CADPS2: variants seen among roughly 807,000 people sequenced by gnomAD.
CADPS2 encodes the protein calcium dependent secretion activator 2, also known as calcium-dependent secretion activator 2.
Under a neutral mutation model 172.5 loss-of-function variants are expected in CADPS2, and 93 were observed. The observed-to-expected ratio is 0.54, with a 90% CI of 0.46 to 0.64. The LOEUF is 0.64. CADPS2 is among the 30% of genes least tolerant of loss of function. CADPS2 has a pLI of 0.00. For missense variants in CADPS2, 1,420 were observed against 1,565.9 expected, an observed-to-expected ratio of 0.91 and a Z score of 1.57; for synonymous variants, 546 against 555.2, an observed-to-expected ratio of 0.98 and a Z score of 0.23.
intron 2 of CADPS2, chr7:122,697,622 C>T: frequency 1.8e-6 from 1 of 565,314 alleles, no homozygotes; most frequent in Non-Finnish European, 3.0e-6. Flanking sequence ...AAAAAAAATC[C>T]CGCTAGGACT....
chr7:122,884,335 C>G (rs906877007), intron 1 of CADPS2, among the ~76,000 whole-genome samples: 2 of 152,170 alleles, frequency 1.3e-5, no homozygotes, highest in African/African-American at 2.4e-5. Context: ...TGCCTCAGAA[C>G]AGACTCAATT....
At chr7:122,727,490 A>C (rs2091227005) in intron 2 of CADPS2, among the ~76,000 whole-genome samples, 1 of 151,640 alleles carries the variant, frequency 6.6e-6, no homozygotes, top group African/African-American at 2.4e-5. Flanking sequence ...CAAGCAGAAG[A>C]AAAGAGAATG....
intron 1 of CADPS2, among the ~76,000 whole-genome samples, chr7:122,804,260 C>T (rs1798313627): frequency 6.6e-6 from 1 of 152,194 alleles, no homozygotes; most frequent in Non-Finnish European, 1.5e-5. Flanking sequence ...TTTAAACCAA[C>T]TTCTTATAAG....
intron 6 of CADPS2, among the ~76,000 whole-genome samples, chr7:122,586,021 A>G (rs1447894554): frequency 6.6e-6 from 1 of 152,020 alleles, no homozygotes; most frequent in Non-Finnish European, 1.5e-5. Flanking sequence ...ACACTTAAGC[A>G]AGATAAATAT....
intron 2 of CADPS2, among the ~76,000 whole-genome samples, chr7:122,694,667 C>T (rs1193321661): frequency 1.3e-5 from 2 of 152,144 alleles, no homozygotes; most frequent in African/African-American, 4.8e-5. Context: ...CTTCCCCCCA[C>T]TTATAAAACC....
intron 1 of CADPS2, among the ~76,000 whole-genome samples, chr7:122,829,627 C>T (rs543594800): frequency 6.6e-6 from 1 of 152,158 alleles, no homozygotes; most frequent in African/African-American, 2.4e-5. Context: ...AACAGTTACA[C>T]AGTCTACTTC....
intron 25 of CADPS2, among the ~76,000 whole-genome samples, chr7:122,376,660 C>T (rs1563184751): frequency 6.6e-6 from 1 of 151,924 alleles, no homozygotes; most frequent in Non-Finnish European, 1.5e-5. Context: ...CAGCATAGGG[C>T]CTATAGAAAA....
At chr7:122,817,342 A>C (rs1801771384) in intron 1 of CADPS2, among the ~76,000 whole-genome samples, 1 of 152,138 alleles carries the variant, frequency 6.6e-6, no homozygotes, top group East Asian at 1.9e-4. Flanking sequence ...GCCTCTTCTT[A>C]TTCTCTTCTC....
intron 8 of CADPS2, among the ~76,000 whole-genome samples, chr7:122,530,303 G>A (rs77841262): frequency 0.015 from 2,239 of 149,598 alleles, 58 homozygotes; most frequent in African/African-American, 0.051. Flanking sequence ...TTTCCACTTA[G>A]GCTTAAGTTA....
intron 3 of CADPS2, among the ~76,000 whole-genome samples, chr7:122,647,991 A>G (rs1432677116): frequency 1.3e-5 from 2 of 152,162 alleles, no homozygotes; most frequent in African/African-American, 2.4e-5. Flanking sequence ...ACCCACCTCA[A>G]TAAGGTTTGC....
chr7:122,840,499 T>A (rs536501096), intron 1 of CADPS2, among the ~76,000 whole-genome samples: 1 of 151,258 alleles, frequency 6.6e-6, no homozygotes, highest in East Asian at 1.9e-4. Flanking sequence ...TTTCAAAATC[T>A]CATTAAATAA....
At chr7:122,527,728 T>C (rs748869194) in intron 8 of CADPS2, among the ~76,000 whole-genome samples, 11 of 151,030 alleles carry the variant, frequency 7.3e-5, no homozygotes, top group Non-Finnish European at 1.6e-4. Context: ...CAGTCACAGA[T>C]AGTGCTAAGA....
intron 1 of CADPS2, among the ~76,000 whole-genome samples, chr7:122,790,839 C>T (rs1054288240): frequency 2.0e-5 from 3 of 152,168 alleles, no homozygotes; most frequent in African/African-American, 4.8e-5. Context: ...AGCTGCTGTA[C>T]AGCCAAGCTC....
intron 11 of CADPS2, among the ~76,000 whole-genome samples, chr7:122,483,027 A>G (rs781347513): frequency 6.6e-6 from 1 of 152,242 alleles, no homozygotes; most frequent in Non-Finnish European, 1.5e-5. Context: ...TATCAGTTAG[A>G]GTATTAAGAA....
chr7:122,475,629 G>C (rs771579703), intron 12 of CADPS2, among the ~76,000 whole-genome samples: 2 of 152,172 alleles, frequency 1.3e-5, no homozygotes, highest in African/African-American at 2.4e-5. Flanking sequence ...GTCACATTTA[G>C]ATATTTAGCC....
chr7:122,786,644 TTTA>T (rs1425547827), intron 1 of CADPS2, among the ~76,000 whole-genome samples: 1 of 152,222 alleles, frequency 6.6e-6, no homozygotes, highest in Non-Finnish European at 1.5e-5. Context: ...TGTAAATTTT[TTTA>T]CTACTGTTAC....
At chr7:122,369,071 T>C (rs1179429187) in intron 25 of CADPS2, among the ~76,000 whole-genome samples, 6 of 151,464 alleles carry the variant, frequency 4.0e-5, no homozygotes, top group Admixed American at 2.0e-4. Context: ...AATGCTCCTA[T>C]TTTTTTTCCC....
chr7:122,848,294 T>C (rs938531052), intron 1 of CADPS2, among the ~76,000 whole-genome samples: 1 of 152,044 alleles, frequency 6.6e-6, no homozygotes, highest in Non-Finnish European at 1.5e-5. Context: ...CCCACAGAGG[T>C]CACTGCTGGA....
At chr7:122,795,682 T>C (rs1796218938) in intron 1 of CADPS2, among the ~76,000 whole-genome samples, 1 of 152,146 alleles carries the variant, frequency 6.6e-6, no homozygotes, top group African/African-American at 2.4e-5. Context: ...TTAAAAACTA[T>C]CAATAAACTA....
Sources: gnomAD v4.1 joint callset for allele counts (sites outside exome capture counted in the v4.1 genomes callset) on GRCh38, gnomAD v4.1.1 for gene constraint, MANE v1.5 for transcripts, NCBI Gene and HGNC (gene_info 2026-07-23, HGNC 2026-07-21) for gene names.